Variants in PABPC4L observed in about 807,000 individuals in gnomAD.
PABPC4L encodes the protein poly(A) binding protein cytoplasmic 4 like, also known as polyadenylate-binding protein 4-like.
For synonymous variants in PABPC4L, 169 were observed against 164.1 expected (o/e 1.03, Z -0.23); for missense variants, 452 against 451.4 (o/e 1.00, Z -0.01).
the PABPC4L span, among the ~76,000 whole-genome samples, chr4:134,127,113 A>ACAG: frequency 6.6e-6 from 1 of 151,938 alleles, no homozygotes; most frequent in Non-Finnish European, 1.5e-5. Flanking sequence ...TCCCACCCAC[A>ACAG]CAGCAGCAGC....
chr4:134,059,594 T>G, the PABPC4L span, among the ~76,000 whole-genome samples: 177 of 151,388 alleles, frequency 1.2e-3, no homozygotes, highest in African/African-American at 3.9e-3. Flanking sequence ...TGATGAAATA[T>G]GAACAAGATA....
At chr4:134,135,955 A>G in the PABPC4L span, among the ~76,000 whole-genome samples, 1 of 152,170 alleles carries the variant, frequency 6.6e-6, no homozygotes, top group Non-Finnish European at 1.5e-5. Context: ...ATTTTTAAGC[A>G]TAACTCCTCA....
At chr4:134,107,563 G>A in the PABPC4L span, among the ~76,000 whole-genome samples, 1 of 151,540 alleles carries the variant, frequency 6.6e-6, no homozygotes, top group African/African-American at 2.4e-5. Flanking sequence ...ATTAAATTCA[G>A]CGAGCATCTT....
the PABPC4L span, among the ~76,000 whole-genome samples, chr4:134,128,427 C>T: frequency 1.3e-5 from 2 of 152,084 alleles, no homozygotes; most frequent in Admixed American, 6.6e-5. Flanking sequence ...CATCAGGTAA[C>T]CTATAAAGGA....
the PABPC4L span, among the ~76,000 whole-genome samples, chr4:134,041,148 T>C: frequency 7.2e-3 from 1,092 of 152,262 alleles, 13 homozygotes; most frequent in Non-Finnish European, 0.013. Flanking sequence ...AGGTCAATCA[T>C]TGTGGAAGAC....
At chr4:134,153,373 T>A in the PABPC4L span, among the ~76,000 whole-genome samples, 12 of 151,896 alleles carry the variant, frequency 7.9e-5, no homozygotes, top group African/African-American at 1.4e-4. Flanking sequence ...ATATATATAT[T>A]TTAAATATAC....
At chr4:134,057,624 G>A in the PABPC4L span, among the ~76,000 whole-genome samples, 2 of 152,052 alleles carry the variant, frequency 1.3e-5, no homozygotes, top group Non-Finnish European at 2.9e-5. Flanking sequence ...CACCCTGAAG[G>A]GAGCATTAAG....
At chr4:134,064,417 A>G in the PABPC4L span, among the ~76,000 whole-genome samples, 7 of 152,184 alleles carry the variant, frequency 4.6e-5, no homozygotes, top group South Asian at 1.5e-3. Context: ...TTAGATGGGG[A>G]CCACTTGGTT....
At chr4:133,956,203 T>A in the PABPC4L span, among the ~76,000 whole-genome samples, 1 of 152,364 alleles carries the variant, frequency 6.6e-6, no homozygotes, top group Admixed American at 6.5e-5. Flanking sequence ...CTTTTAAGGA[T>A]ACTTTTTGGA....
At chr4:133,989,549 A>C in the PABPC4L span, among the ~76,000 whole-genome samples, 3 of 152,168 alleles carry the variant, frequency 2.0e-5, no homozygotes, top group Non-Finnish European at 4.4e-5. Context: ...GGACAAAGCC[A>C]TTTAACAAGT....
At chr4:134,041,969 A>G in the PABPC4L span, among the ~76,000 whole-genome samples, 1 of 152,172 alleles carries the variant, frequency 6.6e-6, no homozygotes, top group Admixed American at 6.6e-5. Flanking sequence ...CTGCATGTGT[A>G]TATTGCAGCA....
chr4:134,101,839 C>A, the PABPC4L span, among the ~76,000 whole-genome samples: 1 of 151,424 alleles, frequency 6.6e-6, no homozygotes, highest in Non-Finnish European at 1.5e-5. Flanking sequence ...TCTATCATAG[C>A]TAAAAATAGT....
At chr4:134,031,073 T>A in the PABPC4L span, among the ~76,000 whole-genome samples, 1 of 152,040 alleles carries the variant, frequency 6.6e-6, no homozygotes, top group East Asian at 1.9e-4. Context: ...TTAACATTCA[T>A]GTGCAATGTT....
At chr4:134,033,814 G>A in the PABPC4L span, among the ~76,000 whole-genome samples, 1 of 151,956 alleles carries the variant, frequency 6.6e-6, no homozygotes, top group East Asian at 1.9e-4. Context: ...ATGAAGGAAT[G>A]AAACCATCTC....
chr4:134,092,670 G>C, the PABPC4L span, among the ~76,000 whole-genome samples: 6 of 151,974 alleles, frequency 3.9e-5, no homozygotes, highest in African/African-American at 1.4e-4. Flanking sequence ...GCCAGTACAA[G>C]AATGGTTCAT....
At chr4:134,145,442 C>A in the PABPC4L span, among the ~76,000 whole-genome samples, 2 of 137,060 alleles carry the variant, frequency 1.5e-5, no homozygotes, top group Non-Finnish European at 3.4e-5. Context: ...CGATATTAAA[C>A]CCCCCTTCCC....
chr4:133,983,733 A>G, the PABPC4L span, among the ~76,000 whole-genome samples: 3 of 151,848 alleles, frequency 2.0e-5, no homozygotes, highest in African/African-American at 4.8e-5. Context: ...GACAAAATCA[A>G]TTAAGCTTTA....
chr4:133,964,085 C>T, the PABPC4L span, among the ~76,000 whole-genome samples: 4 of 151,836 alleles, frequency 2.6e-5, no homozygotes, highest in African/African-American at 9.7e-5. Flanking sequence ...GCAAGATTAA[C>T]CAAGAAAGAA....
the PABPC4L span, among the ~76,000 whole-genome samples, chr4:133,969,412 C>T: frequency 2.6e-5 from 4 of 151,828 alleles, no homozygotes; most frequent in African/African-American, 7.3e-5. Flanking sequence ...AGGCCTGTGT[C>T]GGCACATGGC....
Sources: allele counts gnomAD v4.1 joint callset (sites outside exome capture counted in the v4.1 genomes callset), GRCh38; gene constraint gnomAD v4.1.1; transcripts MANE v1.5; gene names NCBI Gene and HGNC (gene_info 2026-07-23, HGNC 2026-07-21).